The following DOCK2 variants were observed in gnomAD, a reference collection of about 807,000 sequenced individuals.
DOCK2 encodes the protein dedicator of cytokinesis 2.
DOCK2 carries 87 observed loss-of-function variants against 248.9 expected under a neutral mutation model. The ratio of observed to expected loss-of-function variants is 0.35; its 90% confidence interval spans 0.29 to 0.42. DOCK2 has a LOEUF of 0.42. Among genes scored for constraint, DOCK2 ranks in the 10% least tolerant of loss-of-function variants. The probability of loss-of-function intolerance (pLI) is 1.00; values close to 1 mark genes in which losing one functional copy is unlikely to be tolerated. For synonymous variants in DOCK2, 805 were observed against 821.6 expected, an observed-to-expected ratio of 0.98 and a Z score of 0.35; for missense variants, 1,747 against 2,300.2, an observed-to-expected ratio of 0.76 and a Z score of 4.92.
intron 27 of DOCK2, chr5:169,980,267 C>T (rs1209439302): frequency 6.6e-6 from 1 of 152,212 alleles, no homozygotes; most frequent in East Asian, 1.9e-4. Flanking sequence ...AACCTACCCA[C>T]ATCTCTTACC....
At chr5:169,661,748 A>G (rs1758460772) in intron 2 of DOCK2, among the ~76,000 whole-genome samples, 1 of 152,200 alleles carries the variant, frequency 6.6e-6, no homozygotes, top group Non-Finnish European at 1.5e-5. Context: ...CACTTAGCAT[A>G]ATGTCTTCCA....
chr5:169,736,827 A>C (rs1301810592), intron 22 of DOCK2, among the ~76,000 whole-genome samples: 1 of 152,216 alleles, frequency 6.6e-6, no homozygotes, highest in Non-Finnish European at 1.5e-5. Context: ...GTAGATAATG[A>C]AAGTTTCTAT....
chr5:169,670,927 C>A (rs1468580076), intron 4 of DOCK2, 151 bp from the exon 5 acceptor site: 2 of 649,946 alleles, frequency 3.1e-6, no homozygotes, highest in East Asian at 2.7e-5. Context: ...CTTGTATTTG[C>A]ATAATGTAGT....
chr5:169,668,522 CT>C lies in DOCK2; in HGVS notation c.128-765del, dbSNP rs1241015389. On this transcript the variant is annotated intron_variant, in intron 2 of 51. Coordinates refer to ENST00000520908, the MANE Select transcript of DOCK2 (RefSeq NM_004946.3). Reference sequence around the variant, plus strand: ...GGTAATGAGGGGTCTGCTAGTGAGGCTCCTGACAGACGCGTTTTATTTACAA... The same window carrying C: ...GGTAATGAGGGGTCTGCTAGTGAGGCCCTGACAGACGCGTTTTATTTACAA... 3.9e-5 allele frequency among the ~76,000 whole-genome samples: 6 copies of C among 152,264 alleles called. 1 individual carries two copies. In the East Asian group the frequency reaches 1.2e-3, roughly 29 times the overall value.
chr5:169,812,695 C>T (rs1319168784), intron 26 of DOCK2, among the ~76,000 whole-genome samples: 1 of 152,244 alleles, frequency 6.6e-6, no homozygotes, highest in Non-Finnish European at 1.5e-5. Flanking sequence ...ATAATCTGCA[C>T]TCTATGCACG....
intron 25 of DOCK2, among the ~76,000 whole-genome samples, chr5:169,788,128 C>G (rs952209529): frequency 2.6e-5 from 4 of 152,110 alleles, no homozygotes; most frequent in African/African-American, 9.7e-5. Flanking sequence ...AGAAAACCTT[C>G]TGCTCTTCCA....
chr5:169,906,830 G>C (rs995767705), intron 27 of DOCK2, among the ~76,000 whole-genome samples: 9 of 152,230 alleles, frequency 5.9e-5, no homozygotes, highest in Admixed American at 4.6e-4. Flanking sequence ...AGGGAAATTA[G>C]GGCCTGAAGT....
rs1757324282 is a variant in DOCK2 at position 169,644,273 on chromosome 5, A to G, written c.43+6904A>G. 2.0e-5 allele frequency among the ~76,000 whole-genome samples: 3 copies of G among 152,220 alleles called. No individual in the cohort carries two copies. In the South Asian group the frequency reaches 6.2e-4, roughly 32 times the overall value. On this transcript the variant is annotated intron_variant, in intron 1 of 51. Transcript: ENST00000520908. ...GAACATAGCAGTTTTATGGTGCATT[A>G]ATCAGGGGGAATTAAATGTGGAAGG...
chr5:169,680,479 T>C (rs1476287758), intron 6 of DOCK2, among the ~76,000 whole-genome samples: 1 of 152,178 alleles, frequency 6.6e-6, no homozygotes, highest in Non-Finnish European at 1.5e-5. Flanking sequence ...ATGTCTGAGA[T>C]TGTTTTTCCC....
chr5:169,822,191 CA>C (rs1368227403), intron 26 of DOCK2, among the ~76,000 whole-genome samples: 1 of 152,188 alleles, frequency 6.6e-6, no homozygotes, highest in Non-Finnish European at 1.5e-5. Context: ...ACCCCACTGT[CA>C]ATATTCGACA....
At chr5:169,996,572 C>A (rs1247754075) in intron 30 of DOCK2, among the ~76,000 whole-genome samples, 1 of 152,076 alleles carries the variant, frequency 6.6e-6, no homozygotes, top group Non-Finnish European at 1.5e-5. Context: ...TTCCTGATTC[C>A]TTTGAAAGTC....
At chr5:169,780,332 T>TGTGTGTGTGG (rs1233776112) in intron 25 of DOCK2, among the ~76,000 whole-genome samples, 89 of 113,622 alleles carry the variant, frequency 7.8e-4, no homozygotes, top group African/African-American at 2.3e-3. Flanking sequence ...TGTGTGTGTG[T>TGTGTGTGTGG]GTGTGTGTTG....
chr5:169,864,426 C>T (rs1233221392), intron 27 of DOCK2: 2 of 1,547,358 alleles, frequency 1.3e-6, no homozygotes, highest in Non-Finnish European at 1.7e-6. Context: ...CTTCATGGAA[C>T]CTGCCTTCCT....
At chr5:169,729,637 C>G (rs1762662402) in intron 22 of DOCK2, among the ~76,000 whole-genome samples, 1 of 152,196 alleles carries the variant, frequency 6.6e-6, no homozygotes, top group African/African-American at 2.4e-5. Flanking sequence ...GGAGTGTCTT[C>G]TTCATGCTGC....
At chr5:169,803,280 A>G (rs1006884239) in intron 26 of DOCK2, 74 bp downstream of exon 26, 1 of 1,536,130 alleles carries the variant, frequency 6.5e-7, no homozygotes, top group Non-Finnish European at 8.8e-7. Flanking sequence ...AAATATTGAT[A>G]CTGATGGATA....
At chr5:169,751,712 G>T (rs1052141227) in intron 23 of DOCK2, among the ~76,000 whole-genome samples, 5 of 152,112 alleles carry the variant, frequency 3.3e-5, no homozygotes, top group Non-Finnish European at 5.9e-5. Flanking sequence ...CTGAGTCGGC[G>T]TGGCAGCAGC....
rs576481475 is a variant in DOCK2, at chr5:169,752,792, C to T, written c.2376+5288C>T. On this transcript the variant is annotated intron_variant, in intron 23 of 51. Transcript: ENST00000520908. ...AAATAAATAAATAAATACTGCCGGGCGCCGTGACTCACGCCTGTAATCCCA... is the reference window on the plus strand; with the variant it reads ...AAATAAATAAATAAATACTGCCGGGTGCCGTGACTCACGCCTGTAATCCCA... Among the ~76,000 whole-genome samples, 12 of 150,858 alleles carry T rather than the reference C, an allele frequency of 8.0e-5. No individual in the cohort carries two copies. In the East Asian group the frequency reaches 2.2e-3, roughly 27 times the overall value.
At chr5:169,942,090 C>T (rs1776266630) in intron 27 of DOCK2, among the ~76,000 whole-genome samples, 1 of 152,172 alleles carries the variant, frequency 6.6e-6, no homozygotes. Flanking sequence ...TCTCTAATTT[C>T]TTTTTTCTTT....
At chr5:169,802,198 G>A (rs959851682) in intron 25 of DOCK2, among the ~76,000 whole-genome samples, 28 of 152,112 alleles carry the variant, frequency 1.8e-4, no homozygotes, top group African/African-American at 6.8e-4. Flanking sequence ...GTCTCACTCT[G>A]TTACCCAGGC....
Sources: gnomAD v4.1 joint callset for allele counts (sites outside exome capture counted in the v4.1 genomes callset) on GRCh38, gnomAD v4.1.1 for gene constraint, MANE v1.5 for transcripts, NCBI Gene and HGNC (gene_info 2026-07-23, HGNC 2026-07-21) for gene names.